FSTL4: variants seen among roughly 807,000 people sequenced by gnomAD.
FSTL4 encodes follistatin-related protein 4.
Under a neutral mutation model 78.2 loss-of-function variants are expected in FSTL4, and 28 were observed. The observed-to-expected ratio is 0.36, with a 90% CI of 0.27 to 0.49. The LOEUF (loss-of-function observed/expected upper bound fraction) is 0.49, where lower values mean the gene tolerates loss of function less well. FSTL4 is among the 20% of genes least tolerant of loss of function. The pLI is 0.98. For synonymous variants in FSTL4, 422 were observed against 440.5 expected, an observed-to-expected ratio of 0.96 and a Z score of 0.53; for missense variants, 922 against 1,084.9, an observed-to-expected ratio of 0.85 and a Z score of 2.11.
intron 3 of FSTL4, among the ~76,000 whole-genome samples, chr5:133,498,529 G>A (rs917800049): frequency 6.6e-6 from 1 of 152,084 alleles, no homozygotes; most frequent in African/African-American, 2.4e-5. Context: ...GATCAGCCTG[G>A]CTAACATGGT....
chr5:133,589,730 G>A lies in FSTL4; in HGVS notation c.126+14128C>T, dbSNP rs571298862. Among the ~76,000 whole-genome samples the A allele has an allele frequency of 5.3e-5, 8 of 152,138 alleles. No individual in the cohort carries two copies. The East Asian group carries it at 1.4e-3, about 26-fold the overall frequency. ...CTCTGATGTGACGTTGTCTGCTTTG[G>A]CCTTCCAAAGCTCAATGTCATCAAA... On this transcript the variant is annotated intron_variant, in intron 2 of 15. Coordinates refer to ENST00000265342, the MANE Select transcript of FSTL4 (RefSeq NM_015082.2).
intron 3 of FSTL4, among the ~76,000 whole-genome samples, chr5:133,429,763 C>T (rs142836706): frequency 3.3e-5 from 5 of 152,272 alleles, no homozygotes; most frequent in East Asian, 1.9e-4. Flanking sequence ...GGAATCCATT[C>T]CCCGTGAGGC....
chr5:133,432,501 A>T (rs1275499018), intron 3 of FSTL4, among the ~76,000 whole-genome samples: 1 of 152,192 alleles, frequency 6.6e-6, no homozygotes, highest in Non-Finnish European at 1.5e-5. Flanking sequence ...GTGGTGTGAG[A>T]ATTAAGAGTT....
chr5:133,637,955 T>TTAATAA, the FSTL4 span, among the ~76,000 whole-genome samples: 5 of 147,840 alleles, frequency 3.4e-5, no homozygotes, highest in East Asian at 2.0e-4. Context: ...ATAATAATAA[T>TTAATAA]TAATAATAAT....
chr5:133,229,666 C>A (rs920715496), intron 8 of FSTL4, among the ~76,000 whole-genome samples: 21 of 152,014 alleles, frequency 1.4e-4, no homozygotes, highest in Non-Finnish European at 2.9e-4. Flanking sequence ...TAGATAATAC[C>A]AAATGTTGCA....
rs983204748 is a variant in FSTL4, at chr5:133,199,945, G to A, written c.1827-148C>T. The A allele has an allele frequency of 3.0e-5, 18 of 595,970 alleles. No individual in the cohort carries two copies. The highest frequency in any genetic ancestry group is 4.8e-5 in the Non-Finnish European group (16 of 331,732). The allele number at this position is 595,970 out of a possible 1,614,324, so 36.9% of individuals were successfully genotyped here. A position where few individuals can be genotyped will look rare whatever the true frequency, so the allele number is the denominator to read the frequency against. ...AGTAATAAGATCTATCATTCTGCAG[G>A]GGATGTCTTCATAAACAAATAATCT... On this transcript the variant is annotated intron_variant, in intron 15 of 15. Coordinates refer to ENST00000265342, the MANE Select transcript of FSTL4 (RefSeq NM_015082.2). The surrounding 1 kb of genome is among the most constrained non-coding windows in gnomAD (Gnocchi z 4.4).
the FSTL4 span, among the ~76,000 whole-genome samples, chr5:133,686,711 C>T: frequency 6.6e-6 from 1 of 152,222 alleles, no homozygotes; most frequent in East Asian, 1.9e-4. Flanking sequence ...AGGGAAATGA[C>T]TTATTCAGAG....
intron 5 of FSTL4, among the ~76,000 whole-genome samples, chr5:133,313,080 T>C (rs1477343318): frequency 6.6e-6 from 1 of 152,238 alleles, no homozygotes; most frequent in Non-Finnish European, 1.5e-5. Flanking sequence ...ATGGGAATCC[T>C]TGAGGCCACC....
intron 6 of FSTL4, among the ~76,000 whole-genome samples, chr5:133,298,827 C>T (rs1753466680): frequency 6.6e-6 from 1 of 152,054 alleles, no homozygotes; most frequent in African/African-American, 2.4e-5. Context: ...AGAACATCTT[C>T]ATCTGAGGAT....
intron 4 of FSTL4, among the ~76,000 whole-genome samples, chr5:133,351,758 C>G (rs1754828746): frequency 1.3e-5 from 2 of 152,254 alleles, no homozygotes; most frequent in African/African-American, 4.8e-5. Context: ...CAGGCATGCA[C>G]TACCTTGCCC....
At chr5:133,733,647 G>C in the FSTL4 span, among the ~76,000 whole-genome samples, 2 of 152,206 alleles carry the variant, frequency 1.3e-5, no homozygotes, top group African/African-American at 2.4e-5. Flanking sequence ...GATAAAAACA[G>C]ATTAAAATAA....
intron 6 of FSTL4, among the ~76,000 whole-genome samples, chr5:133,285,214 A>T (rs1205370571): frequency 1.3e-5 from 2 of 152,220 alleles, no homozygotes; most frequent in Non-Finnish European, 2.9e-5. Context: ...ACTGTTTGAA[A>T]GAAGAGAGAG....
At chr5:133,526,803 G>A (rs540110864) in intron 3 of FSTL4, among the ~76,000 whole-genome samples, 3 of 152,118 alleles carry the variant, frequency 2.0e-5, no homozygotes, top group African/African-American at 7.2e-5. Context: ...AGAACTTGTC[G>A]GCCAACCTGG....
At chr5:133,659,491 G>A in the FSTL4 span, among the ~76,000 whole-genome samples, 4 of 151,410 alleles carry the variant, frequency 2.6e-5, no homozygotes, top group South Asian at 8.3e-4. Flanking sequence ...TTTTTATCTT[G>A]ATTGCTTGGT....
chr5:133,670,895 C>T, the FSTL4 span, among the ~76,000 whole-genome samples: 9,239 of 152,246 alleles, frequency 0.061, 379 homozygotes, highest in South Asian at 0.11. Context: ...TCCATATCTA[C>T]ACCTTTTGGG....
At chr5:133,739,745 A>G in the FSTL4 span, among the ~76,000 whole-genome samples, 2 of 152,216 alleles carry the variant, frequency 1.3e-5, no homozygotes, top group Non-Finnish European at 2.9e-5. Context: ...ATCTCCTTTA[A>G]TCTTTACAAT....
At chr5:133,593,640 A>G (rs545379740) in intron 2 of FSTL4, among the ~76,000 whole-genome samples, 1 of 152,318 alleles carries the variant, frequency 6.6e-6, no homozygotes, top group Middle Eastern at 3.4e-3. Context: ...CTGGACTATG[A>G]GCACAAGTGT....
At chr5:133,204,351 C>T (rs1382627291) in intron 14 of FSTL4, among the ~76,000 whole-genome samples, 1 of 152,162 alleles carries the variant, frequency 6.6e-6, no homozygotes, top group Non-Finnish European at 1.5e-5. Context: ...TCAACAAATC[C>T]TTCAGTGTTG....
the FSTL4 span, among the ~76,000 whole-genome samples, chr5:133,660,223 A>G: frequency 1.3e-5 from 2 of 152,212 alleles, no homozygotes; most frequent in African/African-American, 2.4e-5. Context: ...GAGACAAAGC[A>G]GTGAAGAAGG....
Sources: gnomAD v4.1 joint callset for allele counts (sites outside exome capture counted in the v4.1 genomes callset) on GRCh38, gnomAD v4.1.1 for gene constraint, Gnocchi (gnomAD v3.1) non-coding constraint, MANE v1.5 for transcripts, NCBI Gene and HGNC (gene_info 2026-07-23, HGNC 2026-07-21) for gene names.